Variants in KLHL6 observed in about 807,000 individuals in gnomAD.
The protein encoded by KLHL6 is kelch-like protein 6.
In KLHL6, 41 loss-of-function variants were observed where a neutral mutation model predicts 58.6. The observed-to-expected ratio is 0.70, with a 90% CI of 0.55 to 0.91. The LOEUF (loss-of-function observed/expected upper bound fraction) is 0.91, where lower values mean the gene tolerates loss of function less well. KLHL6 is among the 40% of genes least tolerant of loss of function. The pLI, the probability that KLHL6 is intolerant of heterozygous loss-of-function variation, is 0.00. For synonymous variants in KLHL6, 338 were observed against 322.7 expected, an observed-to-expected ratio of 1.05 and a Z score of -0.51; for missense variants, 714 against 805.6, an observed-to-expected ratio of 0.89 and a Z score of 1.38.
chr3:183,546,649 G>A (rs368573874), intron 1 of KLHL6, among the ~76,000 whole-genome samples: 11 of 152,254 alleles, frequency 7.2e-5, no homozygotes, highest in African/African-American at 2.4e-4. Flanking sequence ...TCCTCTTCTC[G>A]AATAAGCCAG....
chr3:183,499,067 C>T lies in KLHL6; in HGVS notation c.1147+523G>A, dbSNP rs533825687. ...TATTAATAGTACAACGCTGGCCGGA[C>T]GAGGTGGCTCACGCCTGTAATCCCA... On this transcript the variant is annotated intron_variant, in intron 4 of 6. Transcript: ENST00000341319. The surrounding 1 kb of genome is among the most constrained non-coding windows in gnomAD (Gnocchi z 4.6). 1.7e-4 allele frequency among the ~76,000 whole-genome samples: 26 copies of T among 152,298 alleles called. No individual in the cohort carries two copies. The highest frequency in any genetic ancestry group is 5.8e-4 in the African/African-American group (24 of 41,576).
At chr3:183,510,512 T>G (rs1375970900) in intron 2 of KLHL6, among the ~76,000 whole-genome samples, 1 of 152,184 alleles carries the variant, frequency 6.6e-6, no homozygotes, top group Non-Finnish European at 1.5e-5. Flanking sequence ...CATCCCTGAC[T>G]TTTTGGATCA....
rs1483150355 is a variant in KLHL6, at chr3:183,490,367, C to T, written c.*1560G>A. ...TCAGGTGTTTACTTTTTTAATAAAA[C>T]AGTAGTTTGAGTCTCTAGAGACATC... On this transcript the variant is annotated 3_prime_UTR_variant, in exon 7 of 7. Transcript: ENST00000341319. The T allele has an allele frequency of 1.3e-5, 2 of 152,120 alleles. No individual in the cohort carries two copies. Among genetic ancestry groups the T allele is most frequent in the Non-Finnish European group, 2.9e-5 (2 of 68,026 alleles). 9.4% of individuals were successfully genotyped at this position (152,120 alleles called of 1,614,324 possible). A position where few individuals can be genotyped will look rare whatever the true frequency, so the allele number is the denominator to read the frequency against.
At chr3:183,497,975 C>T (rs1277297536) in intron 4 of KLHL6, among the ~76,000 whole-genome samples, 2 of 152,220 alleles carry the variant, frequency 1.3e-5, no homozygotes, top group South Asian at 4.1e-4. Context: ...GTGGCTCACG[C>T]TTGTAATCCC....
intron 1 of KLHL6, among the ~76,000 whole-genome samples, chr3:183,547,358 C>G (rs1251495563): frequency 1.3e-5 from 2 of 152,236 alleles, no homozygotes; most frequent in Non-Finnish European, 2.9e-5. Context: ...CAAAGCACAT[C>G]TGGCTCCCAG....
Position 183,531,441 on chromosome 3 carries a change from G to GTATTTTTTTTTTTTTT in KLHL6, c.294-3432_294-3431insAAAAAAAAAAAAAATA, listed in dbSNP as rs1367673441. Among the ~76,000 whole-genome samples the GTATTTTTTTTTTTTTT allele has an allele frequency of 4.9e-5, 5 of 102,100 alleles. 1 individual carries two copies. Among genetic ancestry groups the GTATTTTTTTTTTTTTT allele is most frequent in the Non-Finnish European group, 6.5e-5 (3 of 45,836 alleles). 67.0% of individuals were successfully genotyped at this position (102,100 alleles called of 152,430 possible). On this transcript the variant is annotated intron_variant, in intron 1 of 6. Transcript: ENST00000341319. ...CCTTCTTTCTGTTCTTTTTTTGTCT[G>GTATTTTTTTTTTTTTT]TGTTTTTTTTTTTTTTTTTTTTTTT...
At chr3:183,545,825 A>G (rs764633658) in intron 1 of KLHL6, among the ~76,000 whole-genome samples, 1 of 152,048 alleles carries the variant, frequency 6.6e-6, no homozygotes. Flanking sequence ...GTTCCTTCCC[A>G]TTTTTCCTGT....
rs1193541135 is a variant in KLHL6 at position 183,527,963 on chromosome 3, AT to A, written c.340del (p.Ile114LeufsTer23). On this transcript the variant is annotated frameshift_variant, in exon 2 of 7. Coordinates refer to ENST00000341319, the MANE Select transcript of KLHL6 (RefSeq NM_130446.4). LOFTEE classifies it high-confidence loss of function. ...DLKEKYEKRI[I>X]IKGVDAETMH... is the part of the protein sequence containing the mutation. Reference sequence around the variant, plus strand: ...GGTCTCAGCATCAACCCCTTTAATAATGATCCTTTTCTCATACTTTTCCTTT... The same window carrying A: ...GGTCTCAGCATCAACCCCTTTAATAAGATCCTTTTCTCATACTTTTCCTTT... The A allele has an allele frequency of 6.2e-7, 1 of 1,613,964 alleles. No homozygotes were observed. The highest frequency in any genetic ancestry group is 8.5e-7 in the Non-Finnish European group (1 of 1,179,976).
intron 2 of KLHL6, among the ~76,000 whole-genome samples, chr3:183,526,465 A>C (rs918651886): frequency 2.0e-5 from 3 of 152,250 alleles, no homozygotes; most frequent in Admixed American, 2.0e-4. Flanking sequence ...AACAGAAATC[A>C]GTGGGTTAAA....
chr3:183,496,361 G>GA (rs1238566552), intron 4 of KLHL6, among the ~76,000 whole-genome samples: 1 of 152,146 alleles, frequency 6.6e-6, no homozygotes, highest in Non-Finnish European at 1.5e-5. Flanking sequence ...CAAGGATATA[G>GA]AAAATGAGCA....
intron 5 of KLHL6, 80 bp downstream of exon 5, chr3:183,493,999 G>A (rs751871130): frequency 9.6e-5 from 125 of 1,298,104 alleles, no homozygotes; most frequent in Non-Finnish European, 1.3e-4. Flanking sequence ...TGACCACCAC[G>A]GCAGGCACGT....
intron 1 of KLHL6, among the ~76,000 whole-genome samples, chr3:183,542,281 T>C (rs1395172161): frequency 6.6e-6 from 1 of 152,172 alleles, no homozygotes; most frequent in Non-Finnish European, 1.5e-5. Flanking sequence ...TAAAGACTCT[T>C]CCACGGCTTC....
chr3:183,506,829 AAAATAAAT>A (rs144672351), intron 3 of KLHL6, among the ~76,000 whole-genome samples: 5,612 of 143,762 alleles, frequency 0.039, 221 homozygotes, highest in African/African-American at 0.088. Flanking sequence ...CCTCCTCTCA[AAAATAAAT>A]AAATAAATAA....
chr3:183,494,780 A>G (rs1029360441), intron 4 of KLHL6, among the ~76,000 whole-genome samples: 4 of 152,246 alleles, frequency 2.6e-5, no homozygotes, highest in African/African-American at 9.6e-5. Flanking sequence ...AAGAAATCCT[A>G]CAACATTCTC....
At chr3:183,552,767 C>T (rs1712977897) in intron 1 of KLHL6, among the ~76,000 whole-genome samples, 1 of 149,586 alleles carries the variant, frequency 6.7e-6, no homozygotes, top group Admixed American at 6.6e-5. Context: ...CAGAGAGACT[C>T]TTTGACCTCC....
chr3:183,530,820 G>A (rs1385470169), intron 1 of KLHL6, among the ~76,000 whole-genome samples: 1 of 147,786 alleles, frequency 6.8e-6, no homozygotes, highest in Non-Finnish European at 1.5e-5. Flanking sequence ...GTACTCAGCT[G>A]TGAACATGCA....
chr3:183,530,835 T>C lies in KLHL6; in HGVS notation c.294-2825A>G, dbSNP rs1325451881. On this transcript the variant is annotated intron_variant, in intron 1 of 6. Transcript: ENST00000341319. ...GTACTCAGCTGTGAACATGCATTTTTTTTTTTTTTTTTTTGAGACAGAGTC... is the reference window on the plus strand; with the variant it reads ...GTACTCAGCTGTGAACATGCATTTTCTTTTTTTTTTTTTTGAGACAGAGTC... Among the ~76,000 whole-genome samples, 5 of 150,296 alleles carry C rather than the reference T, an allele frequency of 3.3e-5. No homozygotes were observed. The East Asian group carries it at 9.8e-4, about 29-fold the overall frequency.
At chr3:183,537,697 C>A (rs926031860) in intron 1 of KLHL6, among the ~76,000 whole-genome samples, 1 of 152,172 alleles carries the variant, frequency 6.6e-6, no homozygotes, top group African/African-American at 2.4e-5. Context: ...CCTGGCCACA[C>A]GCCTCTCCAT....
chr3:183,536,661 C>G (rs1246774206), intron 1 of KLHL6, among the ~76,000 whole-genome samples: 1 of 152,200 alleles, frequency 6.6e-6, no homozygotes, highest in African/African-American at 2.4e-5. Context: ...GGCGTTAGCA[C>G]GATACCTGGC....
Sources: gnomAD v4.1 joint callset for allele counts (sites outside exome capture counted in the v4.1 genomes callset) on GRCh38, gnomAD v4.1.1 for gene constraint, Gnocchi (gnomAD v3.1) non-coding constraint, MANE v1.5 for transcripts, NCBI Gene and HGNC (gene_info 2026-07-23, HGNC 2026-07-21) for gene names.